SUSD3: variants seen among roughly 807,000 people sequenced by gnomAD.
SUSD3 encodes the protein sushi domain containing 3.
Under a neutral mutation model 20.6 loss-of-function variants are expected in SUSD3, and 18 were observed. The observed-to-expected ratio is 0.87, with a 90% confidence interval of 0.60 to 1.30. The LOEUF is 1.30. Among genes scored for constraint, SUSD3 ranks in the 50% most tolerant of loss-of-function variants. The probability of loss-of-function intolerance (pLI) is 0.00; values close to 1 mark genes in which losing one functional copy is unlikely to be tolerated. For synonymous variants in SUSD3, 137 were observed against 141.5 expected, an observed-to-expected ratio of 0.97 and a Z score of 0.23; for missense variants, 306 against 346.9, an observed-to-expected ratio of 0.88 and a Z score of 0.94.
At chr9:93,060,160 T>C (rs1437977764) in intron 1 of SUSD3, among the ~76,000 whole-genome samples, 2 of 152,234 alleles carry the variant, frequency 1.3e-5, no homozygotes, top group East Asian at 3.9e-4. Flanking sequence ...GTGCTGGGAA[T>C]GGAGCTTAGT....
intron 3 of SUSD3, 24 bp downstream of exon 3, chr9:93,078,017 G>GGTCC: frequency 6.2e-7 from 1 of 1,613,954 alleles, no homozygotes; most frequent in South Asian, 1.1e-5. Flanking sequence ...ATGATCTCAG[G>GGTCC]GTCCTCCCGG....
intron 1 of SUSD3, among the ~76,000 whole-genome samples, chr9:93,074,497 G>T (rs1284092335): frequency 6.6e-6 from 1 of 150,554 alleles, no homozygotes; most frequent in Non-Finnish European, 1.5e-5. Context: ...TTTAATGTCT[G>T]GATGGCCCTG....
chr9:93,065,734 G>T (rs564477662), intron 1 of SUSD3, among the ~76,000 whole-genome samples: 1 of 152,354 alleles, frequency 6.6e-6, no homozygotes, highest in South Asian at 2.1e-4. Flanking sequence ...CCTGGCCCTT[G>T]GGGAGTGCTG....
intron 1 of SUSD3, among the ~76,000 whole-genome samples, chr9:93,059,475 C>CG (rs1470368620): frequency 6.6e-6 from 1 of 152,194 alleles, no homozygotes. Context: ...AAAGAGTTGT[C>CG]TGCTCCCGTG....
rs377560290 is a variant in SUSD3, at chr9:93,061,444, C to A, written c.88+2614C>A. On this transcript the variant is annotated intron_variant, in intron 1 of 4. Coordinates refer to ENST00000375472, the MANE Select transcript of SUSD3 (RefSeq NM_145006.4). ...ATAGGTTCCCGGACCCTCGGTTTTC[C>A]ACCAGGGATGTGGGAGTACATGTTC... is the stretch of plus-strand genomic sequence containing the variant. Among the ~76,000 whole-genome samples the A allele has an allele frequency of 6.6e-5, 10 of 152,382 alleles. No individual in the cohort carries two copies. In the East Asian group the frequency reaches 1.7e-3, roughly 26 times the overall value.
intron 1 of SUSD3, among the ~76,000 whole-genome samples, chr9:93,069,363 CG>C (rs1362205229): frequency 6.6e-6 from 1 of 152,148 alleles, no homozygotes; most frequent in African/African-American, 2.4e-5. Flanking sequence ...GTGGAACCAC[CG>C]GTAACTGAAA....
intron 2 of SUSD3, among the ~76,000 whole-genome samples, chr9:93,076,267 TGA>T (rs1826161246): frequency 6.6e-6 from 1 of 152,238 alleles, no homozygotes; most frequent in African/African-American, 2.4e-5. Flanking sequence ...GCATGCTCTC[TGA>T]GCCAGCACGT....
chr9:93,063,172 G>C (rs972667098), intron 1 of SUSD3, among the ~76,000 whole-genome samples: 1 of 152,168 alleles, frequency 6.6e-6, no homozygotes, highest in Non-Finnish European at 1.5e-5. Flanking sequence ...AAGGTCCCCT[G>C]TATGCTGCAG....
chr9:93,081,911 G>C (rs1276881966), intron 4 of SUSD3, among the ~76,000 whole-genome samples: 1 of 152,140 alleles, frequency 6.6e-6, no homozygotes, highest in Non-Finnish European at 1.5e-5. Flanking sequence ...GCTTAGTGCT[G>C]TTTTTCTTTT....
chr9:93,069,083 T>C, intron 1 of SUSD3: 1 of 702,354 alleles, frequency 1.4e-6, no homozygotes, highest in Non-Finnish European at 2.6e-6. Flanking sequence ...AATGCCTACA[T>C]GATGAGATGA....
chr9:93,077,891 C>T lies in SUSD3; in HGVS notation c.323C>T (p.Ala108Val). The change falls in exon 3 of 5, where the codon GCC becomes GTC. Residue 108 changes from alanine (A) to valine (V), a missense_variant. Physicochemically the swap from Ala to Val is moderately conservative, Grantham distance 64. Transcript: ENST00000375472. ...TTTGGCTTCAAGGTGGCCGTGATCGCCTCCATTGTGAGCTGTGCCATCATC... is the reference window on the plus strand; with the variant it reads ...TTTGGCTTCAAGGTGGCCGTGATCGTCTCCATTGTGAGCTGTGCCATCATC... ...ETFGFKVAVIASIVSCAIILL... is the reference protein window; with the variant it reads ...ETFGFKVAVIVSIVSCAIILL... The T allele has an allele frequency of 6.2e-7, 1 of 1,614,226 alleles. No homozygotes were observed.
At chr9:93,067,864 C>T (rs1825775516) in intron 1 of SUSD3, among the ~76,000 whole-genome samples, 1 of 152,190 alleles carries the variant, frequency 6.6e-6, no homozygotes, top group South Asian at 2.1e-4. Flanking sequence ...TCCCAAAGTC[C>T]TGGGATTACA....
At chr9:93,065,432 C>G (rs368093723) in intron 1 of SUSD3, among the ~76,000 whole-genome samples, 1 of 152,264 alleles carries the variant, frequency 6.6e-6, no homozygotes, top group Admixed American at 6.5e-5. Context: ...CACTCACCCT[C>G]GCCAACCTCT....
chr9:93,077,738 C>T, intron 2 of SUSD3, 108 bp from the exon 3 acceptor site: 6 of 1,221,222 alleles, frequency 4.9e-6, no homozygotes, highest in Non-Finnish European at 6.9e-6. Context: ...CTGCCCAGGC[C>T]CTGTCTACAC....
chr9:93,084,540 C>A lies in SUSD3; in HGVS notation c.561C>A (p.Asp187Glu). 1.9e-6 allele frequency: 3 copies of A among 1,590,000 alleles called. No individual in the cohort carries two copies. Among genetic ancestry groups the A allele is most frequent in the Non-Finnish European group, 2.6e-6 (3 of 1,168,056 alleles). Reference sequence around the variant, plus strand: ...CTCATGCCTCCTCTCTCCACAGAGACCATGGTGAGAGCACCAGCAAGCTGG... The same window carrying A: ...CTCATGCCTCCTCTCTCCACAGAGAACATGGTGAGAGCACCAGCAAGCTGG... ...QAHDNHSFTTDHGESTSKLAS... is the reference protein window; with the variant it reads ...QAHDNHSFTTEHGESTSKLAS... Residue 187 changes from aspartate (D) to glutamate (E), a missense_variant, in exon 5 of 5, where the codon GAC becomes GAA. Coordinates refer to ENST00000375472, the MANE Select transcript of SUSD3 (RefSeq NM_145006.4).
In SUSD3 at chr9:93,079,686, C is replaced by T. The variant is rs41305465; in HGVS notation, c.557+84C>T. 0.025 allele frequency: 35,365 copies of T among 1,440,276 alleles called. 3,347 individuals carry two copies. The African/African-American group carries it at 0.29, about 12-fold the overall frequency. The allele number at this position is 1,440,276 out of a possible 1,614,324, so 89.2% of individuals were successfully genotyped here. A position where few individuals can be genotyped will look rare whatever the true frequency, so the allele number is the denominator to read the frequency against. Reference sequence around the variant, plus strand: ...CCCCGGGCCACCTGCTGCTCCCACACGCTGAGAGCCTGCTGCTCCCACACG... The same window carrying T: ...CCCCGGGCCACCTGCTGCTCCCACATGCTGAGAGCCTGCTGCTCCCACACG... On this transcript the variant is annotated intron_variant, in intron 4 of 4. Coordinates refer to ENST00000375472, the MANE Select transcript of SUSD3 (RefSeq NM_145006.4).
At position 93,073,137 on chromosome 9, in the gene SUSD3, G is replaced by A. The variant is rs189827536; in HGVS notation, c.89-2647G>A. ...CTGGGTGTCAGTCCCTGCCTGTGCC[G>A]AGGGAGACAGGCACAGAGATGCTCA... On this transcript the variant is annotated intron_variant, in intron 1 of 4. Transcript: ENST00000375472. Among the ~76,000 whole-genome samples, 418 of 152,206 alleles carry A rather than the reference G, an allele frequency of 2.7e-3. 1 individual carries two copies. Among genetic ancestry groups the A allele is most frequent in the African/African-American group, 9.4e-3 (391 of 41,514 alleles).
intron 1 of SUSD3, among the ~76,000 whole-genome samples, chr9:93,074,431 CAAAAAAAAAAAAAAA>C (rs56872294): frequency 0.25 from 9,853 of 38,900 alleles, 550 homozygotes; most frequent in South Asian, 0.37. Flanking sequence ...GACTCTGACT[CAAAAAAAAAAAAAAA>C]AAAAAAAAAA....
intron 1 of SUSD3, among the ~76,000 whole-genome samples, chr9:93,059,992 T>C (rs1338084201): frequency 6.6e-6 from 1 of 152,226 alleles, no homozygotes; most frequent in African/African-American, 2.4e-5. Context: ...CAGGGCCTGG[T>C]ACTACCTGAG....
Sources: allele counts gnomAD v4.1 joint callset (sites outside exome capture counted in the v4.1 genomes callset), GRCh38; gene constraint gnomAD v4.1.1; transcripts MANE v1.5; gene names NCBI Gene and HGNC (gene_info 2026-07-23, HGNC 2026-07-21).